NDUFA8: variants seen among roughly 807,000 people sequenced by gnomAD.
NDUFA8 encodes NADH dehydrogenase [ubiquinone] 1 alpha subcomplex subunit 8.
Under a neutral mutation model 20.9 loss-of-function variants are expected in NDUFA8, and 16 were observed. That is an observed-to-expected ratio of 0.77 (90% CI 0.52 to 1.16). The LOEUF (loss-of-function observed/expected upper bound fraction) is 1.16, where lower values mean the gene tolerates loss of function less well. Ranked by LOEUF, NDUFA8 falls within the 50% of genes most tolerant of loss-of-function variation. The probability of loss-of-function intolerance (pLI) is 0.00; values close to 1 mark genes in which losing one functional copy is unlikely to be tolerated. For missense variants in NDUFA8, 202 were observed against 216.4 expected (o/e 0.93, Z 0.42); for synonymous variants, 70 against 76.1 (o/e 0.92, Z 0.41).
In NDUFA8 at chr9:122,148,204, A is replaced by G. The variant is rs140126087; in HGVS notation, c.289T>C (p.Phe97Leu). Residue 97 changes from phenylalanine (F) to leucine (L), a missense_variant, in exon 3 of 4, where the codon TTT (phenylalanine) becomes CTT (leucine). Coordinates refer to ENST00000373768, the MANE Select transcript of NDUFA8 (RefSeq NM_014222.3). Reference protein sequence around the residue: ...TCIDYTGQQLFRHCRKQQAKF... With the variant: ...TCIDYTGQQLLRHCRKQQAKF... ...GCCTGCTGTTTGCGACAGTGACGAA[A>G]TAACTGCTGGCCAGTATAATCAATG... The G allele has an allele frequency of 4.6e-5, 75 of 1,614,084 alleles. No homozygotes were observed. The highest frequency in any genetic ancestry group is 5.7e-5 in the Non-Finnish European group (67 of 1,180,056).
intron 3 of NDUFA8, among the ~76,000 whole-genome samples, chr9:122,145,357 G>A (rs891923635): frequency 6.6e-6 from 1 of 152,138 alleles, no homozygotes; most frequent in African/African-American, 2.4e-5. Context: ...TACACTCACA[G>A]TATCCCCTGA....
At chr9:122,150,351 C>T (rs1436273815) in intron 2 of NDUFA8, among the ~76,000 whole-genome samples, 1 of 130,808 alleles carries the variant, frequency 7.6e-6, no homozygotes, top group Non-Finnish European at 1.5e-5. Context: ...GCGGAGCTTG[C>T]AGTAAGCCAA....
At chr9:122,135,686 C>G in the NDUFA8 span, among the ~76,000 whole-genome samples, 1 of 152,178 alleles carries the variant, frequency 6.6e-6, no homozygotes, top group Admixed American at 6.5e-5. Flanking sequence ...AAGTCCTGGG[C>G]TCAAGGGATC....
intron 1 of NDUFA8, among the ~76,000 whole-genome samples, chr9:122,157,688 G>T (rs1052356912): frequency 6.6e-6 from 1 of 151,396 alleles, no homozygotes; most frequent in African/African-American, 2.4e-5. Flanking sequence ...TGGTTCGCCG[G>T]GGGGAACAAA....
downstream of NDUFA8, among the ~76,000 whole-genome samples, chr9:122,139,760 C>T (rs1157154860): frequency 6.6e-6 from 1 of 152,190 alleles, no homozygotes; most frequent in East Asian, 1.9e-4. Context: ...GTGGCATGAT[C>T]TCAGCTCAAT....
rs762556807 is a variant in NDUFA8, at chr9:122,152,319, G to A, written c.141C>T (p.Arg47=). The A allele has an allele frequency of 4.3e-6, 7 of 1,614,076 alleles. No homozygotes were observed. The highest frequency in any genetic ancestry group is 5.9e-6 in the Non-Finnish European group (7 of 1,180,022). The change falls in exon 2 of 4, where the codon CGC becomes CGT. Residue 47 remains arginine (R), a synonymous_variant. Transcript: ENST00000373768. ...ACCGCCTCGGATCTTTCTCTTCCCA[G>A]CGGCAGAGCATAAACTCCTTGTTGG... ...DKPNKEFMLC[R]WEEKDPRRCL...
At chr9:122,140,745 G>C (rs1828807301), downstream of NDUFA8, among the ~76,000 whole-genome samples, 1 of 152,166 alleles carries the variant, frequency 6.6e-6, no homozygotes, top group Non-Finnish European at 1.5e-5. Flanking sequence ...TATGCATTTT[G>C]TGTGTGTAAC....
At chr9:122,135,426 A>G in the NDUFA8 span, among the ~76,000 whole-genome samples, 3 of 152,238 alleles carry the variant, frequency 2.0e-5, no homozygotes, top group Admixed American at 2.0e-4. Context: ...TTTTTGGACC[A>G]TAATATGCTT....
chr9:122,153,336 G>T (rs1340710891), intron 1 of NDUFA8, among the ~76,000 whole-genome samples: 3 of 149,952 alleles, frequency 2.0e-5, no homozygotes, highest in Admixed American at 6.8e-5. Context: ...GGACTACGGA[G>T]TCACAGAAGA....
chr9:122,152,459 A>G, intron 1 of NDUFA8, 51 bp from the exon 2 acceptor site: 4 of 1,584,416 alleles, frequency 2.5e-6, no homozygotes, highest in Non-Finnish European at 3.5e-6. Context: ...CCAGAATACC[A>G]CTTTCTCAGC....
chr9:122,149,266 A>G (rs1828954542), intron 2 of NDUFA8, among the ~76,000 whole-genome samples: 1 of 152,222 alleles, frequency 6.6e-6, no homozygotes, highest in Admixed American at 6.5e-5. Context: ...ACCCTGCCCA[A>G]TAAGCCACTC....
the NDUFA8 span, among the ~76,000 whole-genome samples, chr9:122,137,123 G>C: frequency 1.3e-5 from 2 of 151,900 alleles, no homozygotes; most frequent in Non-Finnish European, 2.9e-5. Context: ...AGTAGTGGAT[G>C]ATCTCCGAAA....
chr9:122,146,264 C>G (rs1437461234), intron 3 of NDUFA8, among the ~76,000 whole-genome samples: 1 of 152,006 alleles, frequency 6.6e-6, no homozygotes, highest in Non-Finnish European at 1.5e-5. Flanking sequence ...GGCACCTGAT[C>G]GAGAAATACA....
chr9:122,159,185 G>T (rs937789369), intron 1 of NDUFA8, among the ~76,000 whole-genome samples: 6 of 151,968 alleles, frequency 3.9e-5, no homozygotes, highest in African/African-American at 1.5e-4. Flanking sequence ...ATTTTCCCGC[G>T]GCTTCGTCAC....
At chr9:122,150,362 G>C (rs1319106047) in intron 2 of NDUFA8, among the ~76,000 whole-genome samples, 2 of 120,640 alleles carry the variant, frequency 1.7e-5, no homozygotes, top group Admixed American at 2.3e-4. Context: ...AGTAAGCCAA[G>C]ATCGTGCTAC....
In NDUFA8 at chr9:122,159,702, G is replaced by C. The variant is rs752721058; in HGVS notation, c.-25C>G. 29 of 1,613,918 alleles carry C rather than the reference G, an allele frequency of 1.8e-5. No homozygotes were observed. In the South Asian group the frequency reaches 3.1e-4, roughly 17 times the overall value. On this transcript the variant is annotated 5_prime_UTR_variant, in exon 1 of 4. Transcript: ENST00000373768. The stretch of plus-strand genomic sequence containing the variant: ...TGACGGCTGCAGCCCCGACCCCGAC[G>C]AGAAGCCCTCAGCCGCGTCGCCCCC...
downstream of NDUFA8, among the ~76,000 whole-genome samples, chr9:122,140,513 C>T (rs1020596791): frequency 6.6e-6 from 1 of 152,058 alleles, no homozygotes; most frequent in African/African-American, 2.4e-5. Flanking sequence ...TTTTACAGCA[C>T]GTAAAGGGTT....
At chr9:122,158,432 C>T (rs891502375) in intron 1 of NDUFA8, among the ~76,000 whole-genome samples, 1 of 152,122 alleles carries the variant, frequency 6.6e-6, no homozygotes, top group Middle Eastern at 3.2e-3. Context: ...CCACCACCAC[C>T]ACTAGGGTCA....
At chr9:122,134,716 C>G in the NDUFA8 span, among the ~76,000 whole-genome samples, 2 of 152,190 alleles carry the variant, frequency 1.3e-5, no homozygotes, top group Non-Finnish European at 2.9e-5. Context: ...CCTAATTTCA[C>G]TACTATCTGA....
Sources: gnomAD v4.1 joint callset for allele counts (sites outside exome capture counted in the v4.1 genomes callset) on GRCh38, gnomAD v4.1.1 for gene constraint, MANE v1.5 for transcripts, NCBI Gene and HGNC (gene_info 2026-07-23, HGNC 2026-07-21) for gene names.